Variants in UBE2O observed in about 807,000 individuals in gnomAD.
UBE2O encodes the protein ubiquitin conjugating enzyme E2 O, also known as (E3-independent) E2 ubiquitin-conjugating enzyme.
UBE2O carries 15 observed loss-of-function variants against 125.8 expected under a neutral mutation model. The observed-to-expected ratio is 0.12, with a 90% CI of 0.08 to 0.18. The LOEUF is 0.18. Among genes scored for constraint, UBE2O ranks in the 10% least tolerant of loss-of-function variants. The probability of loss-of-function intolerance (pLI) is 1.00; values close to 1 mark genes in which losing one functional copy is unlikely to be tolerated. For missense variants in UBE2O, 1,280 were observed against 1,723.6 expected (o/e 0.74, Z 4.56); for synonymous variants, 708 against 703.2 (o/e 1.01, Z -0.11).
chr17:76,414,540 C>T (rs2072567053), intron 1 of UBE2O, among the ~76,000 whole-genome samples: 1 of 152,222 alleles, frequency 6.6e-6, no homozygotes, highest in Non-Finnish European at 1.5e-5. Context: ...CCCCCACGCC[C>T]TCACCCCTGA....
At chr17:76,449,425 A>C (rs1162894040) in intron 1 of UBE2O, among the ~76,000 whole-genome samples, 1 of 152,234 alleles carries the variant, frequency 6.6e-6, no homozygotes. Context: ...AAATACAAAA[A>C]TTAGCTGGGT....
rs2072183333 is a variant in UBE2O, at chr17:76,395,207, A to C, written c.2946+518T>G. 1.3e-5 allele frequency among the ~76,000 whole-genome samples: 2 copies of C among 149,976 alleles called. No individual in the cohort carries two copies. Among genetic ancestry groups the C allele is most frequent in the African/African-American group, 4.9e-5 (2 of 40,492 alleles). ...AAAGTAATTTTTTTTTTTGAGACAGAATCTCGCTCTGTCACCCAGGCTGGA... is the reference window on the plus strand; with the variant it reads ...AAAGTAATTTTTTTTTTTGAGACAGCATCTCGCTCTGTCACCCAGGCTGGA... On this transcript the variant is annotated intron_variant, in intron 15 of 17. Transcript: ENST00000319380. The surrounding 1 kb of genome is among the most constrained non-coding windows in gnomAD (Gnocchi z 5.0).
intron 15 of UBE2O, among the ~76,000 whole-genome samples, chr17:76,393,748 T>C (rs899841891): frequency 2.0e-5 from 3 of 152,140 alleles, no homozygotes; most frequent in Non-Finnish European, 4.4e-5. Context: ...CACAGACATC[T>C]GGAATCTGTG....
intron 1 of UBE2O, among the ~76,000 whole-genome samples, chr17:76,434,399 T>C (rs2072951985): frequency 6.6e-6 from 1 of 152,080 alleles, no homozygotes; most frequent in South Asian, 2.1e-4. Context: ...CCCCAACGCG[T>C]AGGAAACACA....
rs966206374 is a variant in UBE2O, at chr17:76,390,871, G to C, written c.*72C>G. Reference sequence around the variant, plus strand: ...GACAGAGGGGCATGGGAAGAGGGGTGATTCCGGGGGGGAGTGAGCAGGCGG... The same window carrying C: ...GACAGAGGGGCATGGGAAGAGGGGTCATTCCGGGGGGGAGTGAGCAGGCGG... On this transcript the variant is annotated 3_prime_UTR_variant, in exon 18 of 18. Coordinates refer to ENST00000319380, the MANE Select transcript of UBE2O (RefSeq NM_022066.4). 26 of 1,467,394 alleles carry C rather than the reference G, an allele frequency of 1.8e-5. No individual in the cohort carries two copies. The highest frequency in any genetic ancestry group is 1.5e-4 in the Admixed American group (7 of 48,220). The allele number at this position is 1,467,394 out of a possible 1,614,324, so 90.9% of individuals were successfully genotyped here. A position where few individuals can be genotyped will look rare whatever the true frequency, so the allele number is the denominator to read the frequency against.
At chr17:76,403,008 A>C (rs1178349771) in intron 3 of UBE2O, among the ~76,000 whole-genome samples, 4 of 152,140 alleles carry the variant, frequency 2.6e-5, no homozygotes, top group Non-Finnish European at 5.9e-5. Flanking sequence ...ACATCCATGG[A>C]CACAGGACAC....
intron 1 of UBE2O, among the ~76,000 whole-genome samples, chr17:76,409,401 CT>C (rs1158559743): frequency 1.8e-3 from 241 of 134,518 alleles, no homozygotes; most frequent in Admixed American, 4.3e-3. Flanking sequence ...ACACACACTA[CT>C]TTTTTTTTTT....
chr17:76,432,330 C>T (rs2072919481), intron 1 of UBE2O, among the ~76,000 whole-genome samples: 1 of 152,162 alleles, frequency 6.6e-6, no homozygotes, highest in Admixed American at 6.5e-5. Flanking sequence ...GTAAGAAGTA[C>T]TATAATTGTA....
chr17:76,415,766 T>C (rs1461396899), intron 1 of UBE2O, among the ~76,000 whole-genome samples: 1 of 151,310 alleles, frequency 6.6e-6, no homozygotes, highest in Non-Finnish European at 1.5e-5. Context: ...ATCACGCCAC[T>C]GCACTCCAGC....
At chr17:76,437,192 G>A (rs2073010132) in intron 1 of UBE2O, among the ~76,000 whole-genome samples, 1 of 148,964 alleles carries the variant, frequency 6.7e-6, no homozygotes, top group African/African-American at 2.5e-5. Context: ...GGCTCACTCC[G>A]GTAATCCCAG....
rs576736891 is a variant in UBE2O at position 76,452,401 on chromosome 17, C to G, written c.417+324G>C. Among the ~76,000 whole-genome samples, 1 of 152,200 alleles carries G rather than the reference C, an allele frequency of 6.6e-6. No individual in the cohort carries two copies. The highest frequency in any genetic ancestry group is 2.1e-4 in the South Asian group (1 of 4,826). ...CCGCACTGGTGTAACGCCGAACGCG[C>G]CCCAGAACCTGAGTCCCCACGGGAG... On this transcript the variant is annotated intron_variant, in intron 1 of 17. Coordinates refer to ENST00000319380, the MANE Select transcript of UBE2O (RefSeq NM_022066.4). This position sits in a 1 kb window ranked among gnomAD's most constrained non-coding sequence, Gnocchi z 4.4.
Position 76,410,760 on chromosome 17 carries a change from G to A in UBE2O, c.418-5188C>T. ...GCTCACCGGGGGCCTCTCCTGCCAGGAGCACTCTCCCTCCACGGCTGCCTG... is the reference window on the plus strand; with the variant it reads ...GCTCACCGGGGGCCTCTCCTGCCAGAAGCACTCTCCCTCCACGGCTGCCTG... On this transcript the variant is annotated intron_variant, in intron 1 of 17. Coordinates refer to ENST00000319380, the MANE Select transcript of UBE2O (RefSeq NM_022066.4). This position sits in a 1 kb window ranked among gnomAD's most constrained non-coding sequence, Gnocchi z 4.0. 4.0e-3 allele frequency among the ~76,000 whole-genome samples: 1 copy of A among 248 alleles called. No homozygotes were observed. The highest frequency in any genetic ancestry group is 0.028 in the African/African-American group (1 of 36). The allele number at this position is 248 out of a possible 152,430, so 0.2% of individuals were successfully genotyped here.
At position 76,396,779 on chromosome 17, in the gene UBE2O, C is replaced by T. The variant is rs1229198189; in HGVS notation, c.2158G>A (p.Asp720Asn). 2.5e-6 allele frequency: 4 copies of T among 1,610,750 alleles called. No individual in the cohort carries two copies. The highest frequency in any genetic ancestry group is 3.3e-5 in the Admixed American group (2 of 59,738). The change falls in exon 14 of 18, where the codon GAT (aspartate) becomes AAT (asparagine). Residue 720 changes from aspartate to asparagine, a missense_variant. By Grantham distance (23) the Asp-to-Asn change is conservative. This residue lies in a region of UBE2O where 210 missense variants were observed against 268.9 expected (regional missense o/e 0.78). Transcript: ENST00000319380. This position sits in a 1 kb window ranked among gnomAD's most constrained non-coding sequence, Gnocchi z 6.7. ...CCGCTGGTGCTGCCTTCTACCGAAT[C>T]GTAGTCTGACTCCTCAATCTCAGAC... The part of the protein sequence containing the change: ...IESEIEESDY[D>N]SVEGSTSGAS...
chr17:76,394,582 A>C (rs980342740), intron 15 of UBE2O, among the ~76,000 whole-genome samples: 1 of 152,246 alleles, frequency 6.6e-6, no homozygotes, highest in Admixed American at 6.5e-5. Context: ...TGTGTAAACA[A>C]ATCATACAAA....
At chr17:76,431,261 C>T (rs974929334) in intron 1 of UBE2O, 1 of 154,402 alleles carries the variant, frequency 6.5e-6, no homozygotes, top group Non-Finnish European at 1.4e-5. Flanking sequence ...CCTGTAATCC[C>T]AGCACTTTGG....
At chr17:76,451,002 T>C (rs1460746577) in intron 1 of UBE2O, among the ~76,000 whole-genome samples, 2 of 152,122 alleles carry the variant, frequency 1.3e-5, no homozygotes. Context: ...AAACGGAGCA[T>C]AACTGCAAAC....
intron 1 of UBE2O, among the ~76,000 whole-genome samples, chr17:76,415,640 A>G (rs2072588112): frequency 6.6e-6 from 1 of 152,092 alleles, no homozygotes; most frequent in South Asian, 2.1e-4. Flanking sequence ...CCTGGTCTCT[A>G]CTAAAAATAC....
At chr17:76,434,014 G>A (rs2072943911) in intron 1 of UBE2O, among the ~76,000 whole-genome samples, 1 of 152,068 alleles carries the variant, frequency 6.6e-6, no homozygotes, top group South Asian at 2.1e-4. Context: ...AGACAAAAAC[G>A]AGCCCTCCTA....
intron 1 of UBE2O, among the ~76,000 whole-genome samples, chr17:76,407,824 C>A (rs570212250): frequency 6.6e-6 from 1 of 152,364 alleles, no homozygotes; most frequent in South Asian, 2.1e-4. Flanking sequence ...GTGGGGTCTC[C>A]AGACAACAGC....
Sources: gnomAD v4.1 joint callset for allele counts (sites outside exome capture counted in the v4.1 genomes callset) on GRCh38, gnomAD v4.1.1 for gene constraint, gnomAD v4.1.1 regional missense constraint, Gnocchi (gnomAD v3.1) non-coding constraint, MANE v1.5 for transcripts, NCBI Gene and HGNC (gene_info 2026-07-23, HGNC 2026-07-21) for gene names.